RELN: variants seen among roughly 807,000 people sequenced by gnomAD.
RELN encodes reelin.
RELN carries 108 observed loss-of-function variants against 427.6 expected under a neutral mutation model. That is an observed-to-expected ratio of 0.25 (90% confidence interval 0.22 to 0.30). The LOEUF (loss-of-function observed/expected upper bound fraction) is 0.30. RELN is among the 10% of genes least tolerant of loss of function. The pLI, the probability that RELN is intolerant of heterozygous loss-of-function variation, is 1.00. For missense variants in RELN, 3,715 were observed against 4,302.8 expected, an observed-to-expected ratio of 0.86 and a Z score of 3.82; for synonymous variants, 1,524 against 1,513.4, an observed-to-expected ratio of 1.01 and a Z score of -0.16.
intron 16 of RELN, among the ~76,000 whole-genome samples, chr7:103,645,988 A>G (rs1464197188): frequency 1.3e-5 from 2 of 151,942 alleles, no homozygotes; most frequent in African/African-American, 2.4e-5. Flanking sequence ...AAACTCTTAA[A>G]TTACACAAAT....
intron 3 of RELN, among the ~76,000 whole-genome samples, chr7:103,825,216 T>G (rs1372476790): frequency 2.0e-5 from 3 of 152,076 alleles, no homozygotes; most frequent in Non-Finnish European, 2.9e-5. Context: ...AGATGCAGAA[T>G]CTAAAATCTT....
At chr7:103,475,512 G>A (rs1198106910) in intron 64 of RELN, among the ~76,000 whole-genome samples, 2 of 152,022 alleles carry the variant, frequency 1.3e-5, no homozygotes, top group African/African-American at 2.4e-5. Context: ...GTTAAAACAC[G>A]TTTAAAGGTA....
At chr7:103,844,147 G>C (rs968229753) in intron 2 of RELN, among the ~76,000 whole-genome samples, 9 of 152,134 alleles carry the variant, frequency 5.9e-5, no homozygotes, top group Non-Finnish European at 8.8e-5. Flanking sequence ...AAAGGAAGAG[G>C]CTTTACAGAT....
At chr7:103,553,067 C>T (rs1830448172) in intron 40 of RELN, among the ~76,000 whole-genome samples, 1 of 151,866 alleles carries the variant, frequency 6.6e-6, no homozygotes, top group Non-Finnish European at 1.5e-5. Context: ...AACATCATGA[C>T]AAATATTATA....
chr7:103,756,020 T>C (rs1458979098), intron 4 of RELN, among the ~76,000 whole-genome samples: 1 of 152,116 alleles, frequency 6.6e-6, no homozygotes, highest in East Asian at 1.9e-4. Flanking sequence ...CAATTATTAA[T>C]TAGAAATATT....
At chr7:103,964,638 C>T (rs1332389498) in intron 1 of RELN, among the ~76,000 whole-genome samples, 1 of 152,202 alleles carries the variant, frequency 6.6e-6, no homozygotes, top group Non-Finnish European at 1.5e-5. Context: ...TTTGCTTCCC[C>T]CTTTTTATGA....
At chr7:103,606,237 T>C (rs562600700) in intron 22 of RELN, among the ~76,000 whole-genome samples, 1 of 152,232 alleles carries the variant, frequency 6.6e-6, no homozygotes, top group African/African-American at 2.4e-5. Context: ...GGGATATCTT[T>C]AGTCTCCATA....
chr7:103,609,190 T>G (rs1469423567), intron 22 of RELN, among the ~76,000 whole-genome samples: 1 of 140,004 alleles, frequency 7.1e-6, no homozygotes, highest in Admixed American at 7.6e-5. Flanking sequence ...GCCACTGCAC[T>G]CCAGCCTGGG....
chr7:103,601,669 C>T (rs1831671723), intron 24 of RELN, among the ~76,000 whole-genome samples: 1 of 152,130 alleles, frequency 6.6e-6, no homozygotes, highest in Admixed American at 6.6e-5. Context: ...GGATACTGGA[C>T]CTGCTGTCTT....
At chr7:103,950,304 A>C (rs2116761422) in intron 1 of RELN, among the ~76,000 whole-genome samples, 1 of 152,336 alleles carries the variant, frequency 6.6e-6, no homozygotes, top group South Asian at 2.1e-4. Flanking sequence ...TTCACACCAC[A>C]GCATAGTTTC....
At chr7:103,572,017 T>C (rs1180907231) in intron 31 of RELN, among the ~76,000 whole-genome samples, 167 bp downstream of exon 31, 1 of 152,192 alleles carries the variant, frequency 6.6e-6, no homozygotes, top group African/African-American at 2.4e-5. Context: ...ACAAGAAATC[T>C]TAGAGATCTT....
intron 6 of RELN, among the ~76,000 whole-genome samples, chr7:103,742,772 C>A (rs757424579): frequency 6.4e-4 from 98 of 152,162 alleles, no homozygotes; most frequent in Middle Eastern, 3.4e-3. Flanking sequence ...GTGAAAAGAC[C>A]AAATCTACGT....
At chr7:103,722,520 T>A (rs534304088) in intron 8 of RELN, among the ~76,000 whole-genome samples, 1 of 152,154 alleles carries the variant, frequency 6.6e-6, no homozygotes, top group Non-Finnish European at 1.5e-5. Flanking sequence ...TATAAATACA[T>A]ACCCTTGAAA....
At chr7:103,876,664 A>G (rs959388985) in intron 2 of RELN, among the ~76,000 whole-genome samples, 2 of 152,156 alleles carry the variant, frequency 1.3e-5, no homozygotes, top group Non-Finnish European at 2.9e-5. Context: ...CTCCGTCTAA[A>G]AAGTTTGATA....
Position 103,636,334 on chromosome 7 carries a change from C to T in RELN, c.2204G>A (p.Ser735Asn). The T allele has an allele frequency of 6.2e-7, 1 of 1,614,030 alleles. No homozygotes were observed. Among genetic ancestry groups the T allele is most frequent in the Middle Eastern group, 1.6e-4 (1 of 6,062 alleles). The change falls in exon 18 of 65, where the codon AGC (serine) becomes AAC (asparagine). Residue 735 changes from serine to asparagine, a missense_variant. Around this residue, in one of 4 missense-constraint regions of RELN, gnomAD observed 2,208 missense variants for 2,361.7 expected, o/e 0.93. Transcript: ENST00000428762. ...NFYSIRGAEV[S>N]FGCGVLASGK... ...ACTGGCCAAGACACCACAACCAAAG[C>T]TGACTTCAGCACCACGGATAGAGTA...
chr7:103,488,256 A>G (rs187091541), intron 60 of RELN, among the ~76,000 whole-genome samples: 1 of 152,192 alleles, frequency 6.6e-6, no homozygotes, highest in African/African-American at 2.4e-5. Flanking sequence ...TTTAAGTAAG[A>G]TATTATATTA....
intron 1 of RELN, among the ~76,000 whole-genome samples, chr7:103,948,355 C>A (rs1170920464): frequency 6.6e-6 from 1 of 151,972 alleles, no homozygotes; most frequent in Non-Finnish European, 1.5e-5. Flanking sequence ...TAATTTCCTT[C>A]ATCCTATCTC....
intron 2 of RELN, among the ~76,000 whole-genome samples, chr7:103,845,677 G>A (rs1793656931): frequency 6.6e-6 from 1 of 151,956 alleles, no homozygotes; most frequent in Admixed American, 6.6e-5. Flanking sequence ...TAAAGTCTCA[G>A]GATACAAAAT....
chr7:103,737,955 C>A (rs1219692551), intron 6 of RELN, among the ~76,000 whole-genome samples: 1 of 151,884 alleles, frequency 6.6e-6, no homozygotes, highest in East Asian at 1.9e-4. Flanking sequence ...TTGTGGCTTT[C>A]TTGATGTTTC....
Sources: allele counts gnomAD v4.1 joint callset (sites outside exome capture counted in the v4.1 genomes callset), GRCh38; gene constraint gnomAD v4.1.1; regional missense constraint gnomAD v4.1.1; transcripts MANE v1.5; gene names NCBI Gene and HGNC (gene_info 2026-07-23, HGNC 2026-07-21).